LAMA2: variants seen among roughly 807,000 people sequenced by gnomAD.
LAMA2 encodes the protein laminin subunit alpha-2.
Under a neutral mutation model 364.8 loss-of-function variants are expected in LAMA2, and 269 were observed. That is an observed-to-expected ratio of 0.74 (90% CI 0.67 to 0.82). The LOEUF (loss-of-function observed/expected upper bound fraction) is 0.82, where lower values mean the gene tolerates loss of function less well. Among genes scored for constraint, LAMA2 ranks in the 40% least tolerant of loss-of-function variants. The probability of loss-of-function intolerance (pLI) is 0.00; values close to 1 mark genes in which losing one functional copy is unlikely to be tolerated. For synonymous variants in LAMA2, 1,379 were observed against 1,370.6 expected, an observed-to-expected ratio of 1.01 and a Z score of -0.14; for missense variants, 3,807 against 3,873.2, an observed-to-expected ratio of 0.98 and a Z score of 0.45.
At chr6:128,904,452 CTTT>C (rs562812796) in intron 1 of LAMA2, among the ~76,000 whole-genome samples, 42 of 119,306 alleles carry the variant, frequency 3.5e-4, no homozygotes, top group Non-Finnish European at 3.9e-4. Flanking sequence ...TTTTTCCTTT[CTTT>C]TTTTTTTTTT....
At chr6:129,335,503 C>T (rs1775908345) in intron 29 of LAMA2, among the ~76,000 whole-genome samples, 1 of 151,188 alleles carries the variant, frequency 6.6e-6, no homozygotes. Flanking sequence ...CTAGCTCAAA[C>T]AACTTTTTAA....
In LAMA2 at chr6:129,315,865, C is replaced by T. The variant is rs142745227; in HGVS notation, c.3839C>T (p.Thr1280Ile). ...CCTCAAGTGATCATTCGAGGTGGGA[C>T]ACCTACTCATGCTAGAATTATCGTC... ...YNPQVIIRGG[T>I]PTHARIIVRH... Residue 1280 changes from threonine (T) to isoleucine (I), a missense_variant, in exon 26 of 65, where the codon ACA (threonine) becomes ATA (isoleucine). By Grantham distance (89) the Thr-to-Ile change is moderately conservative. Coordinates refer to ENST00000421865, the MANE Select transcript of LAMA2 (RefSeq NM_000426.4). 1 of 1,613,890 alleles carries T rather than the reference C, an allele frequency of 6.2e-7. No homozygotes were observed. Among genetic ancestry groups the T allele is most frequent in the African/African-American group, 1.3e-5 (1 of 74,932 alleles).
At chr6:129,158,512 T>C (rs2114982909) in intron 8 of LAMA2, 1 of 1,613,948 alleles carries the variant, frequency 6.2e-7, no homozygotes, top group South Asian at 1.1e-5. Flanking sequence ...TTTAGTGATT[T>C]TCCAACTGGA....
intron 1 of LAMA2, among the ~76,000 whole-genome samples, chr6:128,885,252 T>C (rs1776080481): frequency 3.3e-5 from 5 of 152,222 alleles, no homozygotes; most frequent in Admixed American, 3.3e-4. Flanking sequence ...CCTGTTAATG[T>C]TGAAAGTATG....
chr6:129,236,412 C>T (rs1784984186), intron 12 of LAMA2, among the ~76,000 whole-genome samples: 1 of 152,046 alleles, frequency 6.6e-6, no homozygotes, highest in African/African-American at 2.4e-5. Context: ...AACTCCCTTC[C>T]CTTGTTTTCT....
At chr6:129,135,873 T>C (rs1777761979) in intron 4 of LAMA2, among the ~76,000 whole-genome samples, 1 of 152,188 alleles carries the variant, frequency 6.6e-6, no homozygotes, top group African/African-American at 2.4e-5. Context: ...TTTTGACAAC[T>C]CTTCTTTTAT....
intron 1 of LAMA2, among the ~76,000 whole-genome samples, chr6:128,903,041 A>G (rs1315929441): frequency 6.6e-6 from 1 of 152,122 alleles, no homozygotes; most frequent in Non-Finnish European, 1.5e-5. Context: ...GTTCTTCTAT[A>G]ATAGATTTGT....
At chr6:129,475,672 A>T (rs183972627) in intron 53 of LAMA2, among the ~76,000 whole-genome samples, 1 of 152,026 alleles carries the variant, frequency 6.6e-6, no homozygotes, top group South Asian at 2.1e-4. Flanking sequence ...AACCATCTGC[A>T]CACAGTGCCC....
At chr6:128,914,589 T>C (rs1164559172) in intron 1 of LAMA2, among the ~76,000 whole-genome samples, 1 of 152,206 alleles carries the variant, frequency 6.6e-6, no homozygotes, top group African/African-American at 2.4e-5. Flanking sequence ...AAGATGTTGC[T>C]ATAGCTTTAT....
rs755869696 is a variant in LAMA2, at chr6:129,315,513, T to C, written c.3593T>C (p.Val1198Ala). ...GCTGAGCAGACCATTCTACCCCTGG[T>C]AGATGAGGCTCTGCAGCACACGACC... Reference protein sequence around the residue: ...LKAEQTILPLVDEALQHTTTK... With the variant: ...LKAEQTILPLADEALQHTTTK... The change falls in exon 25 of 65, where the codon GTA (valine) becomes GCA (alanine). Residue 1198 changes from valine (V) to alanine (A), a missense_variant. By Grantham distance (64) the Val-to-Ala change is moderately conservative (BLOSUM62 0). Around this residue, in one of 3 missense-constraint regions of LAMA2, gnomAD observed 3,333 missense variants for 3,345.7 expected, o/e 1.00. Coordinates refer to ENST00000421865, the MANE Select transcript of LAMA2 (RefSeq NM_000426.4). The C allele has an allele frequency of 6.2e-7, 1 of 1,614,206 alleles. No homozygotes were observed. Among genetic ancestry groups the C allele is most frequent in the Non-Finnish European group, 8.5e-7 (1 of 1,180,022 alleles).
chr6:128,954,483 C>T (rs1455778440), intron 1 of LAMA2, among the ~76,000 whole-genome samples: 1 of 151,866 alleles, frequency 6.6e-6, no homozygotes, highest in Non-Finnish European at 1.5e-5. Flanking sequence ...AAAAAAAATA[C>T]CTGCATCAGC....
chr6:129,120,652 T>C (rs1361874175), intron 4 of LAMA2, among the ~76,000 whole-genome samples: 3 of 152,212 alleles, frequency 2.0e-5, no homozygotes, highest in Non-Finnish European at 2.9e-5. Context: ...ATGACTTAAC[T>C]TCTGTCTTTA....
intron 1 of LAMA2, among the ~76,000 whole-genome samples, chr6:129,028,069 G>A (rs1319123353): frequency 6.6e-6 from 1 of 151,754 alleles, no homozygotes; most frequent in African/African-American, 2.4e-5. Context: ...GGGATTTAGA[G>A]TACATCAGTA....
intron 12 of LAMA2, among the ~76,000 whole-genome samples, chr6:129,198,593 A>C (rs929573494): frequency 4.9e-4 from 75 of 152,188 alleles, no homozygotes; most frequent in African/African-American, 1.7e-3. Context: ...AATGGTTTCA[A>C]AGCTCTGGCA....
At position 128,899,081 on chromosome 6, in the gene LAMA2, G is replaced by A. The variant is rs762762657; in HGVS notation, c.112+15724G>A. 8.5e-5 allele frequency among the ~76,000 whole-genome samples: 13 copies of A among 152,208 alleles called. 1 individual carries two copies. The highest frequency in any genetic ancestry group is 3.4e-3 in the Middle Eastern group (1 of 294). The stretch of plus-strand genomic sequence containing the variant: ...TTAAATGTTTATCTTGAATACCCTT[G>A]TTTATTTACTTTTCTTCTTTGTTGT... On this transcript the variant is annotated intron_variant, in intron 1 of 64. Transcript: ENST00000421865.
chr6:128,883,617 C>T (rs999209361), intron 1 of LAMA2, among the ~76,000 whole-genome samples: 4 of 151,956 alleles, frequency 2.6e-5, no homozygotes, highest in African/African-American at 9.7e-5. Flanking sequence ...CTTGCTATCA[C>T]GATACATCCC....
At chr6:129,061,483 G>A (rs1429931084) in intron 3 of LAMA2, among the ~76,000 whole-genome samples, 1 of 152,076 alleles carries the variant, frequency 6.6e-6, no homozygotes, top group Non-Finnish European at 1.5e-5. Context: ...CAACTGGATG[G>A]CGCAACCACA....
At chr6:129,260,682 T>G (rs777471639) in intron 14 of LAMA2, 29 bp from the exon 15 acceptor site, 18 of 1,344,558 alleles carry the variant, frequency 1.3e-5, no homozygotes, top group Middle Eastern at 1.8e-4. Context: ...ACTTTACTTA[T>G]TCACCATCTC....
At chr6:129,410,684 C>T (rs770725537) in intron 40 of LAMA2, among the ~76,000 whole-genome samples, 3 of 151,566 alleles carry the variant, frequency 2.0e-5, no homozygotes, top group Non-Finnish European at 2.9e-5. Context: ...GGATAATAGG[C>T]TGGTAGATGA....
Sources: gnomAD v4.1 joint callset for allele counts (sites outside exome capture counted in the v4.1 genomes callset) on GRCh38, gnomAD v4.1.1 for gene constraint, gnomAD v4.1.1 regional missense constraint, MANE v1.5 for transcripts, NCBI Gene and HGNC (gene_info 2026-07-23, HGNC 2026-07-21) for gene names.